Variants in PDE12 observed in about 807,000 individuals in gnomAD.
The protein encoded by PDE12 is phosphodiesterase 12, also known as 2',5'-phosphodiesterase 12.
In PDE12, 26 loss-of-function variants were observed where a neutral mutation model predicts 45.4. The ratio of observed to expected loss-of-function variants is 0.57; its 90% CI spans 0.42 to 0.79. The LOEUF is 0.79. Ranked by LOEUF, PDE12 falls within the 30% of genes least tolerant of loss-of-function variation. The pLI, the probability that PDE12 is intolerant of heterozygous loss-of-function variation, is 0.00. For missense variants in PDE12, 668 were observed against 790.0 expected (o/e 0.85, Z 1.85); for synonymous variants, 283 against 323.9 (o/e 0.87, Z 1.36).
At chr3:57,627,794 CT>C in the PDE12 span, 1 of 163,366 alleles carries the variant, frequency 6.1e-6, no homozygotes, top group Admixed American at 5.8e-5. Context: ...ACAGTTCAGT[CT>C]TTCTGTTCTT....
chr3:57,617,095 T>A, the PDE12 span, among the ~76,000 whole-genome samples: 32 of 151,434 alleles, frequency 2.1e-4, no homozygotes, highest in African/African-American at 6.6e-4. Flanking sequence ...TCAAAAAAAA[T>A]TTAGCAAAGA....
At chr3:57,589,223 G>C in the PDE12 span, among the ~76,000 whole-genome samples, 2 of 152,050 alleles carry the variant, frequency 1.3e-5, no homozygotes, top group Admixed American at 6.6e-5. Context: ...AGCTGTGATC[G>C]CACCACTGTG....
Position 57,556,862 on chromosome 3 carries a change from G to T in PDE12, c.483G>T (p.Pro161=), listed in dbSNP as rs145453282. Residue 161 remains proline, a synonymous_variant, in exon 1 of 3, where the codon CCG becomes CCT. Coordinates refer to ENST00000311180, the MANE Select transcript of PDE12 (RefSeq NM_177966.7). This position sits in a 1 kb window ranked among gnomAD's most constrained non-coding sequence, Gnocchi z 5.0. The stretch of plus-strand genomic sequence containing the variant: ...TTAAGTACAAGGTGGAGCGCAACCC[G>T]CCCGCCTTCACCGAACTGCAGTTGC... ...GDVKYKVERN[P]PAFTELQLPR... is the part of the protein sequence containing the mutation. 242 of 1,613,952 alleles carry T rather than the reference G, an allele frequency of 1.5e-4. No homozygotes were observed. The highest frequency in any genetic ancestry group is 1.9e-4 in the Non-Finnish European group (225 of 1,180,030).
At chr3:57,648,351 C>T in the PDE12 span, among the ~76,000 whole-genome samples, 10 of 152,154 alleles carry the variant, frequency 6.6e-5, no homozygotes, top group South Asian at 8.3e-4. Context: ...AAATCACAGA[C>T]GACACAAACA....
At chr3:57,642,510 G>A in the PDE12 span, among the ~76,000 whole-genome samples, 5 of 151,996 alleles carry the variant, frequency 3.3e-5, no homozygotes, top group African/African-American at 9.7e-5. Flanking sequence ...GTGACATTAT[G>A]GCCTGTCTGT....
the PDE12 span, among the ~76,000 whole-genome samples, chr3:57,591,799 G>GA: frequency 1.3e-5 from 2 of 151,948 alleles, no homozygotes; most frequent in Non-Finnish European, 2.9e-5. Flanking sequence ...CATGCCAAGT[G>GA]AAAAAAGCCA....
At chr3:57,580,085 A>G in the PDE12 span, among the ~76,000 whole-genome samples, 3 of 152,176 alleles carry the variant, frequency 2.0e-5, no homozygotes, top group African/African-American at 7.2e-5. Flanking sequence ...AGCCTGGGTA[A>G]CAGAGTGAGA....
the PDE12 span, among the ~76,000 whole-genome samples, chr3:57,595,133 G>A: frequency 6.6e-6 from 1 of 152,122 alleles, no homozygotes; most frequent in African/African-American, 2.4e-5. Flanking sequence ...TTTTTGGGGT[G>A]GAGGGAAATG....
Position 57,556,347 on chromosome 3 carries a change from G to C in PDE12, c.-33G>C, listed in dbSNP as rs1333131392. 1.3e-6 allele frequency: 2 copies of C among 1,524,244 alleles called. No individual in the cohort carries two copies. Among genetic ancestry groups the C allele is most frequent in the Non-Finnish European group, 1.8e-6 (2 of 1,134,056 alleles). 94.4% of individuals were successfully genotyped at this position (1,524,244 alleles called of 1,614,324 possible). A position where few individuals can be genotyped will look rare whatever the true frequency, so the allele number is the denominator to read the frequency against. ...CCTGACAGTAGGCCGCTGATCGGCC[G>C]CGGGTCTTGTCGACCGCTAGGCCAC... On this transcript the variant is annotated 5_prime_UTR_variant, in exon 1 of 3. Coordinates refer to ENST00000311180, the MANE Select transcript of PDE12 (RefSeq NM_177966.7). This position sits in a 1 kb window ranked among gnomAD's most constrained non-coding sequence, Gnocchi z 5.0.
intron 1 of PDE12, among the ~76,000 whole-genome samples, chr3:57,559,032 A>C (rs2069697032): frequency 6.6e-6 from 1 of 151,686 alleles, no homozygotes; most frequent in African/African-American, 2.4e-5. Flanking sequence ...CATCCTGGCT[A>C]ACACGATGAA....
the PDE12 span, among the ~76,000 whole-genome samples, chr3:57,590,860 T>C: frequency 3.3e-5 from 5 of 152,104 alleles, no homozygotes; most frequent in African/African-American, 1.2e-4. Flanking sequence ...TAAAATTTTT[T>C]TGTAGAGATG....
At chr3:57,639,092 T>C in the PDE12 span, among the ~76,000 whole-genome samples, 2 of 152,078 alleles carry the variant, frequency 1.3e-5, no homozygotes. Flanking sequence ...CACAAGACCC[T>C]ATCACACACA....
At chr3:57,655,960 C>T in the PDE12 span, among the ~76,000 whole-genome samples, 3 of 152,248 alleles carry the variant, frequency 2.0e-5, no homozygotes, top group South Asian at 2.1e-4. Context: ...AGTATCAAAA[C>T]GAGAAATGTA....
chr3:57,560,830 A>T lies in PDE12; in HGVS notation c.*826A>T, dbSNP rs549824463. 2 of 985,224 alleles carry T rather than the reference A, an allele frequency of 2.0e-6. No individual in the cohort carries two copies. The highest frequency in any genetic ancestry group is 6.1e-5 in the Admixed American group (1 of 16,262). 61.0% of individuals were successfully genotyped at this position (985,224 alleles called of 1,614,324 possible). A position where few individuals can be genotyped will look rare whatever the true frequency, so the allele number is the denominator to read the frequency against. ...AGAGACCTAAGGTGAGAGACTTGAC[A>T]CATGGAAGGAGTAACATTAGGGTCT... On this transcript the variant is annotated 3_prime_UTR_variant, in exon 3 of 3. Coordinates refer to ENST00000311180, the MANE Select transcript of PDE12 (RefSeq NM_177966.7).
At chr3:57,641,510 G>T in the PDE12 span, 1 of 479,180 alleles carries the variant, frequency 2.1e-6, no homozygotes, top group Non-Finnish European at 3.5e-6. Context: ...ATATTTTAGT[G>T]GGAAATTAGC....
At chr3:57,580,071 C>T in the PDE12 span, among the ~76,000 whole-genome samples, 1 of 152,236 alleles carries the variant, frequency 6.6e-6, no homozygotes, top group African/African-American at 2.4e-5. Flanking sequence ...TGCCACTGCA[C>T]TCTAGCCTGG....
chr3:57,616,717 G>T, the PDE12 span, among the ~76,000 whole-genome samples: 1 of 152,034 alleles, frequency 6.6e-6, no homozygotes, highest in Non-Finnish European at 1.5e-5. Context: ...AGCAGACAAA[G>T]ACATTACCAA....
intron 1 of PDE12, 34 bp from the exon 2 acceptor site, chr3:57,559,276 C>G (rs372531945): frequency 1.7e-4 from 263 of 1,505,000 alleles, no homozygotes; most frequent in Non-Finnish European, 2.3e-4. Flanking sequence ...TTGCAAATGC[C>G]AACTGAACTC....
At chr3:57,572,350 C>T in the PDE12 span, 1,817 of 1,335,982 alleles carry the variant, frequency 1.4e-3, 6 homozygotes, top group Middle Eastern at 6.4e-3. Context: ...ATATATAACA[C>T]CAGTGTTTAA....
Sources: gnomAD v4.1 joint callset for allele counts (sites outside exome capture counted in the v4.1 genomes callset) on GRCh38, gnomAD v4.1.1 for gene constraint, Gnocchi (gnomAD v3.1) non-coding constraint, MANE v1.5 for transcripts, NCBI Gene and HGNC (gene_info 2026-07-23, HGNC 2026-07-21) for gene names.